The following HHAT variants were observed in gnomAD, a reference collection of about 807,000 sequenced individuals.
The protein encoded by HHAT is protein-cysteine N-palmitoyltransferase HHAT.
In HHAT, 47 loss-of-function variants were observed where a neutral mutation model predicts 70.8. The ratio of observed to expected loss-of-function variants is 0.66; its 90% CI spans 0.53 to 0.85. The LOEUF is 0.85. HHAT is among the 40% of genes least tolerant of loss of function. The probability of loss-of-function intolerance (pLI) is 0.00; values close to 1 mark genes in which losing one functional copy is unlikely to be tolerated. For missense variants in HHAT, 609 were observed against 604.8 expected, an observed-to-expected ratio of 1.01 and a Z score of -0.07; for synonymous variants, 228 against 247.6, an observed-to-expected ratio of 0.92 and a Z score of 0.74.
At chr1:210,365,415 C>T (rs1396536199) in intron 3 of HHAT, among the ~76,000 whole-genome samples, 1 of 140,596 alleles carries the variant, frequency 7.1e-6, no homozygotes, top group Non-Finnish European at 1.5e-5. Flanking sequence ...CTCCTGGGTT[C>T]CAGTGATTCT....
At chr1:210,505,988 C>A (rs1442571657) in intron 8 of HHAT, among the ~76,000 whole-genome samples, 1 of 152,182 alleles carries the variant, frequency 6.6e-6, no homozygotes, top group Non-Finnish European at 1.5e-5. Flanking sequence ...TAGAGCAGAA[C>A]AAGTCCTGGA....
At chr1:210,600,416 A>G (rs1342584433) in intron 10 of HHAT, among the ~76,000 whole-genome samples, 1 of 152,198 alleles carries the variant, frequency 6.6e-6, no homozygotes, top group Non-Finnish European at 1.5e-5. Flanking sequence ...TTGGGGGACT[A>G]TCTTACTAAG....
At chr1:210,553,860 G>C (rs1346516586) in intron 9 of HHAT, among the ~76,000 whole-genome samples, 1 of 152,128 alleles carries the variant, frequency 6.6e-6, no homozygotes, top group Non-Finnish European at 1.5e-5. Context: ...CACCCCGAGT[G>C]TATCCACTTC....
intron 7 of HHAT, among the ~76,000 whole-genome samples, chr1:210,433,757 G>C (rs1161828641): frequency 6.6e-6 from 1 of 151,922 alleles, no homozygotes; most frequent in Non-Finnish European, 1.5e-5. Flanking sequence ...GGGTGATGTT[G>C]ATGATGATTA....
At chr1:210,383,847 C>T (rs1281518362) in intron 3 of HHAT, among the ~76,000 whole-genome samples, 2 of 152,140 alleles carry the variant, frequency 1.3e-5, no homozygotes, top group Admixed American at 6.5e-5. Context: ...AACACATACT[C>T]GAGTGTTCAT....
intron 11 of HHAT, among the ~76,000 whole-genome samples, chr1:210,644,199 C>G (rs1255012748): frequency 6.6e-6 from 1 of 152,234 alleles, no homozygotes; most frequent in African/African-American, 2.4e-5. Flanking sequence ...AGTCTCCTGA[C>G]TCTCAGACCA....
At chr1:210,366,987 C>T (rs190625272) in intron 3 of HHAT, among the ~76,000 whole-genome samples, 7 of 152,300 alleles carry the variant, frequency 4.6e-5, no homozygotes, top group Admixed American at 1.3e-4. Flanking sequence ...GAGAGTGTCT[C>T]TGTGCTCAAG....
intron 10 of HHAT, chr1:210,590,433 T>G (rs559519695): frequency 6.7e-6 from 1 of 148,244 alleles, no homozygotes; most frequent in East Asian, 2.0e-4. Context: ...TGTATTTTGG[T>G]AGGGGGATAG....
chr1:210,672,702 T>A (rs1680335077), intron 11 of HHAT, among the ~76,000 whole-genome samples: 1 of 152,090 alleles, frequency 6.6e-6, no homozygotes, highest in Non-Finnish European at 1.5e-5. Flanking sequence ...GCAGAAGACA[T>A]GAAGATTGTT....
intron 9 of HHAT, among the ~76,000 whole-genome samples, chr1:210,530,727 G>T (rs2095306153): frequency 6.6e-6 from 1 of 152,124 alleles, no homozygotes; most frequent in Non-Finnish European, 1.5e-5. Flanking sequence ...TAGGAGAACT[G>T]GGTGGGCCCT....
chr1:210,353,434 GTTTT>G (rs10541502), intron 2 of HHAT, among the ~76,000 whole-genome samples: 16,924 of 114,230 alleles, frequency 0.15, 1,377 homozygotes, highest in East Asian at 0.3. Flanking sequence ...GAAGTCACCT[GTTTT>G]TTTTTTTTTT....
chr1:210,399,086 C>T (rs1044766190), intron 4 of HHAT, among the ~76,000 whole-genome samples: 1 of 152,178 alleles, frequency 6.6e-6, no homozygotes, highest in Admixed American at 6.5e-5. Context: ...TCTTTGTTTC[C>T]ACAAGACGAC....
At chr1:210,380,379 A>G (rs1229650822) in intron 3 of HHAT, among the ~76,000 whole-genome samples, 2 of 151,992 alleles carry the variant, frequency 1.3e-5, no homozygotes, top group African/African-American at 4.8e-5. Context: ...TGTCTCTACT[A>G]AAAATACAAA....
chr1:210,448,207 G>A (rs1001289483), intron 7 of HHAT, among the ~76,000 whole-genome samples: 5 of 151,856 alleles, frequency 3.3e-5, no homozygotes, highest in Non-Finnish European at 5.9e-5. Flanking sequence ...TCAGCTGCCT[G>A]AGTAGCTGGG....
intron 9 of HHAT, among the ~76,000 whole-genome samples, chr1:210,567,793 A>C (rs1285966253): frequency 6.6e-6 from 1 of 152,150 alleles, no homozygotes; most frequent in East Asian, 1.9e-4. Context: ...ATACCCAGGG[A>C]CCTGCTTGCT....
intron 1 of HHAT, among the ~76,000 whole-genome samples, chr1:210,344,601 AC>A (rs1246293988): frequency 6.6e-6 from 1 of 152,088 alleles, no homozygotes; most frequent in Non-Finnish European, 1.5e-5. Flanking sequence ...TTAGCCATCA[AC>A]CCCAAATTTG....
chr1:210,669,779 C>T (rs1177171148), intron 11 of HHAT, among the ~76,000 whole-genome samples: 1 of 152,252 alleles, frequency 6.6e-6, no homozygotes, highest in East Asian at 1.9e-4. Context: ...CCCTAAAGTA[C>T]ACTCTTAAGA....
chr1:210,442,965 T>G (rs1370091734), intron 7 of HHAT, among the ~76,000 whole-genome samples: 1 of 152,138 alleles, frequency 6.6e-6, no homozygotes, highest in African/African-American at 2.4e-5. Flanking sequence ...GGTTTTCTTC[T>G]AGGGTTTTTA....
At chr1:210,605,594 G>T (rs903260344) in intron 10 of HHAT, among the ~76,000 whole-genome samples, 5 of 152,208 alleles carry the variant, frequency 3.3e-5, no homozygotes, top group African/African-American at 9.7e-5. Flanking sequence ...GATGTTAACA[G>T]TAGCCTTATA....
Sources: allele counts gnomAD v4.1 joint callset (sites outside exome capture counted in the v4.1 genomes callset), GRCh38; gene constraint gnomAD v4.1.1; transcripts MANE v1.5; gene names NCBI Gene and HGNC (gene_info 2026-07-23, HGNC 2026-07-21).